The following INPP4B variants were observed in gnomAD, a reference collection of about 807,000 sequenced individuals.
INPP4B encodes the protein inositol polyphosphate 4-phosphatase type II.
INPP4B carries 55 observed loss-of-function variants against 122.5 expected under a neutral mutation model. That is an observed-to-expected ratio of 0.45 (90% CI 0.36 to 0.56). The LOEUF (loss-of-function observed/expected upper bound fraction) is 0.56, where lower values mean the gene tolerates loss of function less well. INPP4B is among the 20% of genes least tolerant of loss of function. The pLI is 0.00. For missense variants in INPP4B, 1,000 were observed against 1,097.7 expected (o/e 0.91, Z 1.26); for synonymous variants, 403 against 388.7 (o/e 1.04, Z -0.43).
rs563123553 is a variant in INPP4B, at chr4:142,798,788, T to A, written c.-254+47421A>T. ...TTGATAAATCAATTAGTATATTATTTATTTAAAGTATATATAAGTACATAT... is the reference window on the plus strand; with the variant it reads ...TTGATAAATCAATTAGTATATTATTAATTTAAAGTATATATAAGTACATAT... On this transcript the variant is annotated intron_variant, in intron 1 of 25. Coordinates refer to ENST00000262992, the MANE Select transcript of INPP4B (RefSeq NM_001101669.3). 6.9e-4 allele frequency among the ~76,000 whole-genome samples: 105 copies of A among 151,958 alleles called. No individual in the cohort carries two copies. The Middle Eastern group carries it at 0.017, about 25-fold the overall frequency.
chr4:142,032,170 TAAGGGGACTGGAAAGTTTAG>T (rs1740627668), intron 25 of INPP4B, among the ~76,000 whole-genome samples: 1 of 152,108 alleles, frequency 6.6e-6, no homozygotes, highest in Non-Finnish European at 1.5e-5. Flanking sequence ...CTTCCTGATA[TAAGGGGACTGGAAAGTTTAG>T]GCTGGAGGAC....
chr4:142,325,541 C>T (rs1772000347), intron 7 of INPP4B, among the ~76,000 whole-genome samples: 1 of 151,786 alleles, frequency 6.6e-6, no homozygotes. Flanking sequence ...AATGTCAAAG[C>T]ACACTCTACC....
intron 2 of INPP4B, among the ~76,000 whole-genome samples, chr4:142,538,194 C>A (rs1395464862): frequency 4.6e-5 from 7 of 152,052 alleles, no homozygotes; most frequent in Non-Finnish European, 1.0e-4. Context: ...CATACTCCTT[C>A]TTTGTAAGCA....
chr4:142,056,279 A>G (rs1757673112), intron 25 of INPP4B, among the ~76,000 whole-genome samples: 1 of 152,132 alleles, frequency 6.6e-6, no homozygotes, highest in Non-Finnish European at 1.5e-5. Context: ...AACAAAAGAA[A>G]TTAGTATTTG....
chr4:142,675,426 A>G (rs1168689078), intron 2 of INPP4B, among the ~76,000 whole-genome samples: 1 of 152,220 alleles, frequency 6.6e-6, no homozygotes, highest in Non-Finnish European at 1.5e-5. Flanking sequence ...AGGTACAAAA[A>G]GGAGCTGGTA....
At chr4:142,583,897 ATAAT>A (rs1735624770) in intron 2 of INPP4B, among the ~76,000 whole-genome samples, 1 of 152,032 alleles carries the variant, frequency 6.6e-6, no homozygotes, top group South Asian at 2.1e-4. Context: ...TAGATATTAA[ATAAT>A]TAATTTAATT....
At chr4:142,798,945 A>G (rs1469279855) in intron 1 of INPP4B, among the ~76,000 whole-genome samples, 1 of 151,772 alleles carries the variant, frequency 6.6e-6, no homozygotes, top group African/African-American at 2.4e-5. Context: ...TAAAGTGTTT[A>G]TAGGAGCAGT....
At chr4:142,193,235 C>T in intron 14 of INPP4B, 40 bp from the exon 15 acceptor site, 1 of 1,140,448 alleles carries the variant, frequency 8.8e-7, no homozygotes, top group Non-Finnish European at 1.3e-6. Context: ...ACTTTGCAAA[C>T]ATTTATCTCC....
At chr4:142,505,951 C>A (rs193300720) in intron 2 of INPP4B, among the ~76,000 whole-genome samples, 41 of 152,238 alleles carry the variant, frequency 2.7e-4, no homozygotes, top group African/African-American at 9.1e-4. Flanking sequence ...TGAGGCATTT[C>A]TTTTTTTCAC....
chr4:142,562,577 T>C (rs1433600913), intron 2 of INPP4B, among the ~76,000 whole-genome samples: 1 of 152,132 alleles, frequency 6.6e-6, no homozygotes, highest in African/African-American at 2.4e-5. Context: ...CAAGGTGTCC[T>C]TGAAAAATAA....
chr4:142,109,334 C>T (rs1404009880), intron 22 of INPP4B, among the ~76,000 whole-genome samples: 1 of 152,152 alleles, frequency 6.6e-6, no homozygotes, highest in African/African-American at 2.4e-5. Flanking sequence ...AAATATTTAA[C>T]ATCAACTACA....
At chr4:142,352,368 A>C (rs1782177254) in intron 7 of INPP4B, among the ~76,000 whole-genome samples, 1 of 151,854 alleles carries the variant, frequency 6.6e-6, no homozygotes, top group African/African-American at 2.4e-5. Context: ...TTCTCTCCTC[A>C]TTTGCTTCCA....
chr4:142,240,471 C>T (rs1016910503), intron 11 of INPP4B, among the ~76,000 whole-genome samples: 7 of 152,164 alleles, frequency 4.6e-5, no homozygotes, highest in African/African-American at 1.4e-4. Context: ...AGGTACACAT[C>T]ATCCAAGGAC....
At chr4:142,586,233 G>A (rs1041775979) in intron 2 of INPP4B, among the ~76,000 whole-genome samples, 2 of 151,918 alleles carry the variant, frequency 1.3e-5, no homozygotes, top group East Asian at 1.9e-4. Context: ...AATTGTTTGA[G>A]CCCAGGGAGC....
chr4:142,639,926 C>A (rs1232850316), intron 2 of INPP4B, among the ~76,000 whole-genome samples: 1 of 152,096 alleles, frequency 6.6e-6, no homozygotes, highest in Non-Finnish European at 1.5e-5. Context: ...AAAAGATAAT[C>A]TTTTCAACAA....
intron 2 of INPP4B, among the ~76,000 whole-genome samples, chr4:142,723,357 A>G (rs1167421237): frequency 6.6e-6 from 1 of 152,142 alleles, no homozygotes; most frequent in Non-Finnish European, 1.5e-5. Flanking sequence ...ATGTAAACCT[A>G]TGTAAAAATT....
intron 2 of INPP4B, among the ~76,000 whole-genome samples, chr4:142,692,944 T>TAGATAGATAGATAGAC (rs1560967798): frequency 8.9e-4 from 135 of 151,710 alleles, no homozygotes; most frequent in African/African-American, 2.9e-3. Flanking sequence ...GATACATAGA[T>TAGATAGATAGATAGAC]ACATAGATAG....
At chr4:142,668,901 A>G (rs1346824784) in intron 2 of INPP4B, among the ~76,000 whole-genome samples, 1 of 151,574 alleles carries the variant, frequency 6.6e-6, no homozygotes, top group East Asian at 1.9e-4. Context: ...TACAAAAAAA[A>G]AAAATTAGCC....
chr4:142,700,599 T>C (rs970781146), intron 2 of INPP4B, among the ~76,000 whole-genome samples: 1 of 152,202 alleles, frequency 6.6e-6, no homozygotes, highest in African/African-American at 2.4e-5. Context: ...AGCAATCTTA[T>C]TTAAGAAAAC....
Sources: allele counts gnomAD v4.1 joint callset (sites outside exome capture counted in the v4.1 genomes callset), GRCh38; gene constraint gnomAD v4.1.1; transcripts MANE v1.5; gene names NCBI Gene and HGNC (gene_info 2026-07-23, HGNC 2026-07-21).